The following GRID2 variants were observed in gnomAD, a reference collection of about 807,000 sequenced individuals.
The protein encoded by GRID2 is glutamate receptor ionotropic, delta-2.
A neutral mutation model predicts 114.8 loss-of-function variants in GRID2; 33 were observed. The ratio of observed to expected loss-of-function variants is 0.29; its 90% CI spans 0.22 to 0.38. The LOEUF (loss-of-function observed/expected upper bound fraction) is 0.38. GRID2 is among the 10% of genes least tolerant of loss of function. The pLI is 1.00. For missense variants in GRID2, 1,184 were observed against 1,257.7 expected (o/e 0.94, Z 0.89); for synonymous variants, 505 against 449.9 (o/e 1.12, Z -1.55).
chr4:92,722,081 CAA>C (rs1735834463), intron 2 of GRID2, among the ~76,000 whole-genome samples: 1 of 152,054 alleles, frequency 6.6e-6, no homozygotes, highest in African/African-American at 2.4e-5. Flanking sequence ...ACTCAGCAAC[CAA>C]AATGGTTTCT....
chr4:93,677,672 G>A (rs1725041526), intron 14 of GRID2, among the ~76,000 whole-genome samples: 1 of 152,138 alleles, frequency 6.6e-6, no homozygotes, highest in African/African-American at 2.4e-5. Context: ...GGCAAACAGG[G>A]TCTGGAGTGG....
chr4:92,318,883 C>T lies in GRID2; in HGVS notation c.88+14139C>T, dbSNP rs528926391. On this transcript the variant is annotated intron_variant, in intron 1 of 15. Transcript: ENST00000282020. Reference sequence around the variant, plus strand: ...AGTTGCCTTTCGCTACCATTTAGAACAGCATCTTTGAATCTTTGTTTCTTA... The same window carrying T: ...AGTTGCCTTTCGCTACCATTTAGAATAGCATCTTTGAATCTTTGTTTCTTA... Among the ~76,000 whole-genome samples the T allele has an allele frequency of 5.5e-4, 83 of 152,192 alleles. No individual in the cohort carries two copies. In the South Asian group the frequency reaches 7.7e-3, roughly 14 times the overall value.
chr4:92,575,036 T>C (rs1241411390), intron 1 of GRID2, among the ~76,000 whole-genome samples: 1 of 152,224 alleles, frequency 6.6e-6, no homozygotes, highest in Non-Finnish European at 1.5e-5. Context: ...TCTATTCTTG[T>C]CTGACTCTCT....
intron 4 of GRID2, among the ~76,000 whole-genome samples, chr4:93,157,079 C>G (rs572644954): frequency 1.3e-5 from 2 of 151,670 alleles, no homozygotes; most frequent in Non-Finnish European, 3.0e-5. Flanking sequence ...TTTACTCAAT[C>G]CCTTCTGTTA....
At chr4:92,398,060 A>G (rs1730592710) in intron 1 of GRID2, among the ~76,000 whole-genome samples, 1 of 152,170 alleles carries the variant, frequency 6.6e-6, no homozygotes, top group Non-Finnish European at 1.5e-5. Flanking sequence ...CACACACAAA[A>G]TAATATATGC....
At chr4:92,918,815 T>A (rs1014224930) in intron 2 of GRID2, among the ~76,000 whole-genome samples, 1 of 152,174 alleles carries the variant, frequency 6.6e-6, no homozygotes, top group African/African-American at 2.4e-5. Flanking sequence ...AAATTCTCTT[T>A]TATTGTTGTG....
At chr4:93,090,765 T>G (rs1455607572) in intron 3 of GRID2, among the ~76,000 whole-genome samples, 1 of 152,116 alleles carries the variant, frequency 6.6e-6, no homozygotes, top group Non-Finnish European at 1.5e-5. Context: ...ACAAAAGTTA[T>G]AGTACTGGAA....
intron 1 of GRID2, among the ~76,000 whole-genome samples, chr4:92,514,023 C>A (rs1328381468): frequency 6.6e-6 from 1 of 151,788 alleles, no homozygotes; most frequent in Admixed American, 6.6e-5. Context: ...AACTTTGGAA[C>A]TGTGGGACAT....
At chr4:93,521,142 GGT>G (rs1730297968) in intron 13 of GRID2, among the ~76,000 whole-genome samples, 1 of 152,154 alleles carries the variant, frequency 6.6e-6, no homozygotes, top group South Asian at 2.1e-4. Context: ...GGCTTACGTA[GGT>G]GGAGGGATGG....
rs116475584 is a variant in GRID2, at chr4:93,601,269, G to A, written c.2194-25000G>A. On this transcript the variant is annotated intron_variant, in intron 13 of 15. Transcript: ENST00000282020. ...GACTGGATTAAATACAGCATAACCA[G>A]ATGATAAGAACTGAAAATAGAGTAT... 3.5e-3 allele frequency among the ~76,000 whole-genome samples: 540 copies of A among 152,252 alleles called. 2 individuals are homozygous for A. The highest frequency in any genetic ancestry group is 0.012 in the African/African-American group (517 of 41,544).
At chr4:92,809,746 C>T (rs985514181) in intron 2 of GRID2, among the ~76,000 whole-genome samples, 2 of 151,978 alleles carry the variant, frequency 1.3e-5, no homozygotes, top group African/African-American at 4.8e-5. Context: ...CACTGTATCA[C>T]TATAGTTGCA....
intron 4 of GRID2, among the ~76,000 whole-genome samples, chr4:93,186,588 C>A (rs760521420): frequency 7.9e-5 from 12 of 152,082 alleles, no homozygotes; most frequent in Non-Finnish European, 1.3e-4. Flanking sequence ...AGCGAAGCAA[C>A]CTTCAATTTT....
intron 2 of GRID2, among the ~76,000 whole-genome samples, chr4:92,894,546 GTGATTGCAGTAATC>G (rs1747020950): frequency 6.6e-6 from 1 of 152,112 alleles, no homozygotes; most frequent in African/African-American, 2.4e-5. Context: ...GAGAATATTG[GTGATTGCAGTAATC>G]TGGAGCTTAA....
chr4:92,978,042 A>T (rs1159073889), intron 2 of GRID2, among the ~76,000 whole-genome samples: 1 of 152,194 alleles, frequency 6.6e-6, no homozygotes. Context: ...AAGATCACCA[A>T]GGGATAGTCT....
chr4:93,421,355 G>T (rs796863740), intron 9 of GRID2, among the ~76,000 whole-genome samples: 2 of 152,188 alleles, frequency 1.3e-5, no homozygotes, highest in African/African-American at 4.8e-5. Flanking sequence ...GAGAAGAAGA[G>T]AACTCCTCTG....
intron 14 of GRID2, among the ~76,000 whole-genome samples, chr4:93,746,544 T>C (rs1034323963): frequency 1.3e-5 from 2 of 152,098 alleles, no homozygotes; most frequent in African/African-American, 4.8e-5. Flanking sequence ...ACAGTCTTTC[T>C]CAAGAACAAT....
chr4:93,166,808 A>G (rs1437575796), intron 4 of GRID2, among the ~76,000 whole-genome samples: 1 of 152,126 alleles, frequency 6.6e-6, no homozygotes, highest in African/African-American at 2.4e-5. Flanking sequence ...AATAAGTACT[A>G]GGTTACTACT....
intron 2 of GRID2, among the ~76,000 whole-genome samples, chr4:92,613,332 G>T (rs1729844629): frequency 6.6e-6 from 1 of 151,268 alleles, no homozygotes; most frequent in Non-Finnish European, 1.5e-5. Flanking sequence ...CCAATATTTT[G>T]TTAAGGACTC....
At chr4:92,613,573 T>A (rs914569983) in intron 2 of GRID2, among the ~76,000 whole-genome samples, 2 of 151,498 alleles carry the variant, frequency 1.3e-5, no homozygotes, top group Non-Finnish European at 3.0e-5. Context: ...CATTATTCAA[T>A]TATTTACTTG....
Sources: gnomAD v4.1 joint callset for allele counts (sites outside exome capture counted in the v4.1 genomes callset) on GRCh38, gnomAD v4.1.1 for gene constraint, MANE v1.5 for transcripts, NCBI Gene and HGNC (gene_info 2026-07-23, HGNC 2026-07-21) for gene names.